The following PIGU variants were observed in gnomAD, a reference collection of about 807,000 sequenced individuals.
The protein encoded by PIGU is phosphatidylinositol glycan anchor biosynthesis class U.
A neutral mutation model predicts 49.9 loss-of-function variants in PIGU; 24 were observed. The ratio of observed to expected loss-of-function variants is 0.48; its 90% CI spans 0.35 to 0.68. The LOEUF is 0.68. PIGU is among the 30% of genes least tolerant of loss of function. The probability of loss-of-function intolerance (pLI) is 0.01; values close to 1 mark genes in which losing one functional copy is unlikely to be tolerated. For synonymous variants in PIGU, 220 were observed against 205.7 expected (o/e 1.07, Z -0.59); for missense variants, 490 against 532.6 (o/e 0.92, Z 0.79).
chr20:34,588,728 T>C, intron 7 of PIGU, 121 bp from the exon 8 acceptor site: 2 of 1,010,246 alleles, frequency 2.0e-6, no homozygotes, highest in Non-Finnish European at 2.8e-6. Flanking sequence ...ATAATTTTGC[T>C]TTGGTCTTTA....
At chr20:34,601,509 T>C (rs1984424208) in intron 7 of PIGU, among the ~76,000 whole-genome samples, 1 of 152,146 alleles carries the variant, frequency 6.6e-6, no homozygotes, top group Non-Finnish European at 1.5e-5. Context: ...GTTGTAAAAG[T>C]TGATTATATA....
chr20:34,562,818 G>A (rs1188127614), intron 11 of PIGU, among the ~76,000 whole-genome samples: 2 of 152,222 alleles, frequency 1.3e-5, no homozygotes, highest in Non-Finnish European at 2.9e-5. Flanking sequence ...CCCACTGGGG[G>A]GCAGTGATCA....
intron 1 of PIGU, among the ~76,000 whole-genome samples, chr20:34,660,368 T>A (rs1986894693): frequency 6.6e-6 from 1 of 152,218 alleles, no homozygotes; most frequent in Non-Finnish European, 1.5e-5. Context: ...GTGGATCACC[T>A]GAGGTCAGGC....
rs544597647 is a variant in PIGU, at chr20:34,581,200, A to G, written c.1051+348T>C. ...GGCTCTTCTAATTAGAAGTCACGTGACTTTGAATGAGTGGCTCTACCTTTC... is the reference window on the plus strand; with the variant it reads ...GGCTCTTCTAATTAGAAGTCACGTGGCTTTGAATGAGTGGCTCTACCTTTC... On this transcript the variant is annotated intron_variant, in intron 10 of 11. Coordinates refer to ENST00000217446, the MANE Select transcript of PIGU (RefSeq NM_080476.5). Among the ~76,000 whole-genome samples the G allele has an allele frequency of 1.2e-4, 18 of 152,256 alleles. No homozygotes were observed. The East Asian group carries it at 3.5e-3, about 29-fold the overall frequency.
At chr20:34,598,273 C>T (rs1036633316) in intron 7 of PIGU, among the ~76,000 whole-genome samples, 5 of 152,006 alleles carry the variant, frequency 3.3e-5, no homozygotes, top group African/African-American at 7.3e-5. Flanking sequence ...GGGTATGGGA[C>T]CTGAGGTGGG....
chr20:34,621,595 G>A (rs771208882), intron 6 of PIGU, among the ~76,000 whole-genome samples: 5 of 152,124 alleles, frequency 3.3e-5, no homozygotes, highest in Admixed American at 6.5e-5. Context: ...GGGTGAGTAT[G>A]GAGGCAGGCA....
intron 1 of PIGU, among the ~76,000 whole-genome samples, chr20:34,662,283 G>A (rs188904880): frequency 5.9e-4 from 90 of 152,120 alleles, no homozygotes; most frequent in African/African-American, 2.1e-3. Flanking sequence ...ATGTTACTCA[G>A]GCTGGTCTCA....
intron 6 of PIGU, among the ~76,000 whole-genome samples, chr20:34,627,999 G>T (rs1257899410): frequency 6.6e-6 from 1 of 152,094 alleles, no homozygotes; most frequent in Non-Finnish European, 1.5e-5. Flanking sequence ...CATTCCAAGA[G>T]AAACAATCTC....
intron 10 of PIGU, 149 bp from the exon 11 acceptor site, chr20:34,575,395 G>A (rs966692384): frequency 2.4e-6 from 2 of 835,822 alleles, no homozygotes; most frequent in Admixed American, 3.2e-5. Flanking sequence ...GTGCCAAGAA[G>A]CAAACCCCAG....
chr20:34,612,386 G>A (rs1984848609), intron 7 of PIGU, among the ~76,000 whole-genome samples: 1 of 152,074 alleles, frequency 6.6e-6, no homozygotes, highest in Non-Finnish European at 1.5e-5. Flanking sequence ...GAGAGCGTTA[G>A]GACAAATACC....
intron 10 of PIGU, among the ~76,000 whole-genome samples, chr20:34,577,724 C>CAAAA (rs1983296164): frequency 6.6e-6 from 1 of 152,002 alleles, no homozygotes; most frequent in South Asian, 2.1e-4. Context: ...TCAAAACAAA[C>CAAAA]AAACAAACAA....
chr20:34,639,345 G>T (rs1351528596), intron 4 of PIGU, among the ~76,000 whole-genome samples: 1 of 152,124 alleles, frequency 6.6e-6, no homozygotes, highest in Non-Finnish European at 1.5e-5. Context: ...AGCTTGCAGT[G>T]AGCCGAGATT....
intron 6 of PIGU, among the ~76,000 whole-genome samples, chr20:34,630,420 A>T (rs888246236): frequency 3.5e-4 from 53 of 152,196 alleles, no homozygotes; most frequent in African/African-American, 1.3e-3. Flanking sequence ...CCACAAAAAA[A>T]CCCTAACTCT....
chr20:34,594,135 C>T (rs991540367), intron 7 of PIGU, among the ~76,000 whole-genome samples: 6 of 152,216 alleles, frequency 3.9e-5, no homozygotes, highest in African/African-American at 1.4e-4. Flanking sequence ...TGTGATCGTG[C>T]CACTGCACTC....
At chr20:34,645,957 T>C (rs1986331287) in intron 2 of PIGU, among the ~76,000 whole-genome samples, 1 of 151,736 alleles carries the variant, frequency 6.6e-6, no homozygotes, top group Non-Finnish European at 1.5e-5. Context: ...AAGAGGTGAA[T>C]TGTAGTTCTA....
chr20:34,665,299 G>A (rs944325528), intron 1 of PIGU, among the ~76,000 whole-genome samples: 2 of 141,296 alleles, frequency 1.4e-5, no homozygotes, highest in Non-Finnish European at 3.0e-5. Context: ...CGCCTCCCGG[G>A]TTCACGCCAT....
intron 11 of PIGU, among the ~76,000 whole-genome samples, chr20:34,569,726 G>A (rs1233593750): frequency 2.0e-5 from 3 of 152,202 alleles, no homozygotes; most frequent in Admixed American, 6.5e-5. Flanking sequence ...GCACGGGGAG[G>A]TCAGGGTGTA....
intron 8 of PIGU, 47 bp downstream of exon 8, chr20:34,588,406 C>A: frequency 6.4e-7 from 1 of 1,556,916 alleles, no homozygotes; most frequent in East Asian, 2.3e-5. Flanking sequence ...ACAAGGGTTC[C>A]CTTTTCCCCA....
chr20:34,594,692 T>C (rs1984121522), intron 7 of PIGU, among the ~76,000 whole-genome samples: 1 of 152,006 alleles, frequency 6.6e-6, no homozygotes, highest in Non-Finnish European at 1.5e-5. Context: ...GAGAATCACT[T>C]GAACCCGAGA....
Sources: allele counts gnomAD v4.1 joint callset (sites outside exome capture counted in the v4.1 genomes callset), GRCh38; gene constraint gnomAD v4.1.1; transcripts MANE v1.5; gene names NCBI Gene and HGNC (gene_info 2026-07-23, HGNC 2026-07-21).